Variants in ADAM7 observed in about 807,000 individuals in gnomAD.
ADAM7 encodes the protein disintegrin and metalloproteinase domain-containing protein 7.
Under a neutral mutation model 102.9 loss-of-function variants are expected in ADAM7, and 97 were observed. The observed-to-expected ratio is 0.94, with a 90% confidence interval of 0.80 to 1.12. ADAM7 has a LOEUF of 1.12. Ranked by LOEUF, ADAM7 falls within the 50% of genes most tolerant of loss-of-function variation. The pLI is 0.00. For synonymous variants in ADAM7, 334 were observed against 304.4 expected (o/e 1.10, Z -1.01); for missense variants, 991 against 908.7 (o/e 1.09, Z -1.16).
intron 7 of ADAM7, among the ~76,000 whole-genome samples, chr8:24,472,591 T>A (rs1819643461): frequency 6.6e-6 from 1 of 152,042 alleles, no homozygotes; most frequent in Non-Finnish European, 1.5e-5. Context: ...ATTTATTAGA[T>A]ACAGGTAGCA....
intron 7 of ADAM7, among the ~76,000 whole-genome samples, chr8:24,470,290 C>T (rs913497837): frequency 5.9e-5 from 9 of 151,872 alleles, no homozygotes; most frequent in East Asian, 1.9e-4. Context: ...ATAATATATT[C>T]GGAGAAAGAA....
Position 24,508,614 on chromosome 8 carries a change from C to A in ADAM7, c.*68C>A, listed in dbSNP as rs1403191027. On this transcript the variant is annotated 3_prime_UTR_variant, in exon 22 of 22. Transcript: ENST00000175238. ...GGGGATTCTGGATGCAACGTCTTTA[C>A]AACCTTACCTAGATATCTGCTACTC... 6.2e-7 allele frequency: 1 copy of A among 1,611,870 alleles called. No individual in the cohort carries two copies. Among genetic ancestry groups the A allele is most frequent in the East Asian group, 2.2e-5 (1 of 44,732 alleles).
chr8:24,454,534 C>T (rs558711038), intron 3 of ADAM7, among the ~76,000 whole-genome samples: 39 of 152,284 alleles, frequency 2.6e-4, no homozygotes, highest in African/African-American at 7.0e-4. Flanking sequence ...GGGAGTGACC[C>T]GATTTTGCAG....
intron 16 of ADAM7, among the ~76,000 whole-genome samples, chr8:24,496,928 T>A (rs1297304139): frequency 6.6e-6 from 1 of 152,156 alleles, no homozygotes; most frequent in African/African-American, 2.4e-5. Flanking sequence ...TTTTAAAATG[T>A]GAGGACATGA....
Position 24,508,609 on chromosome 8 carries a change from C to G in ADAM7, c.*63C>G. The G allele has an allele frequency of 1.9e-6, 3 of 1,612,104 alleles. No individual in the cohort carries two copies. Among genetic ancestry groups the G allele is most frequent in the Non-Finnish European group, 2.5e-6 (3 of 1,178,904 alleles). ...AGGCTGGGGATTCTGGATGCAACGT[C>G]TTTACAACCTTACCTAGATATCTGC... On this transcript the variant is annotated 3_prime_UTR_variant, in exon 22 of 22. Transcript: ENST00000175238.
chr8:24,496,531 G>A (rs1585922288), intron 16 of ADAM7, among the ~76,000 whole-genome samples: 1 of 152,180 alleles, frequency 6.6e-6, no homozygotes, highest in African/African-American at 2.4e-5. Flanking sequence ...CAGCCAGAAG[G>A]GAGGCTATAT....
chr8:24,502,732 C>G (rs1820804185), intron 20 of ADAM7, among the ~76,000 whole-genome samples: 1 of 151,984 alleles, frequency 6.6e-6, no homozygotes, highest in African/African-American at 2.4e-5. Flanking sequence ...TAGTAAAAAC[C>G]TTTCCACAAA....
chr8:24,487,764 C>T lies in ADAM7; in HGVS notation c.1091+447C>T, dbSNP rs899831375. On this transcript the variant is annotated intron_variant, in intron 11 of 21. Transcript: ENST00000175238. ...CTAAAAAGTCTATTCCATAACTAGG[C>T]GTGGCAGTTTTCTTTCTGGGGCTAA... Among the ~76,000 whole-genome samples the T allele has an allele frequency of 4.6e-5, 7 of 152,080 alleles. No individual in the cohort carries two copies. In the East Asian group the frequency reaches 5.8e-4, roughly 13 times the overall value.
At chr8:24,475,860 T>C (rs1042315833) in intron 7 of ADAM7, 22 of 452,296 alleles carry the variant, frequency 4.9e-5, no homozygotes, top group Non-Finnish European at 8.0e-5. Flanking sequence ...AATGCAGTTA[T>C]AAGGAGACAA....
At chr8:24,472,882 A>G (rs187159782) in intron 7 of ADAM7, among the ~76,000 whole-genome samples, 21 of 152,204 alleles carry the variant, frequency 1.4e-4, no homozygotes, top group African/African-American at 5.1e-4. Context: ...ATTAAAAAAT[A>G]TAGAAATATA....
In ADAM7 at chr8:24,460,791, T is replaced by C. The variant is rs544398576; in HGVS notation, c.234-3091T>C. ...TGTATATATATATATATATATCCCA[T>C]GATGCATGACTATAATTTGGCTTTA... On this transcript the variant is annotated intron_variant, in intron 3 of 21. Coordinates refer to ENST00000175238, the MANE Select transcript of ADAM7 (RefSeq NM_003817.4). Among the ~76,000 whole-genome samples, 5 of 151,774 alleles carry C rather than the reference T, an allele frequency of 3.3e-5. No individual in the cohort carries two copies. In the South Asian group the frequency reaches 1.0e-3, roughly 32 times the overall value.
intron 10 of ADAM7, among the ~76,000 whole-genome samples, chr8:24,485,813 CT>C (rs1258188650): frequency 4.0e-5 from 6 of 151,870 alleles, no homozygotes; most frequent in Admixed American, 6.6e-5. Flanking sequence ...TGTTGACTCC[CT>C]TTTTTTTATG....
chr8:24,445,732 A>T (rs757948470), intron 2 of ADAM7, among the ~76,000 whole-genome samples: 30 of 152,204 alleles, frequency 2.0e-4, no homozygotes, highest in Non-Finnish European at 4.0e-4. Context: ...TGTTCATAGG[A>T]TAAGGCCCAA....
chr8:24,504,062 A>T (rs56232705), intron 20 of ADAM7, among the ~76,000 whole-genome samples: 18,685 of 137,218 alleles, frequency 0.14, 1,389 homozygotes, highest in Non-Finnish European at 0.18. Context: ...ATAAAATAAA[A>T]TAAATAAAAT....
At chr8:24,457,645 TA>T (rs936611053) in intron 3 of ADAM7, among the ~76,000 whole-genome samples, 14 of 152,238 alleles carry the variant, frequency 9.2e-5, no homozygotes, top group Non-Finnish European at 1.6e-4. Context: ...AATTCATTTC[TA>T]AAAATTGTGT....
At chr8:24,471,062 T>C (rs1819585491) in intron 7 of ADAM7, among the ~76,000 whole-genome samples, 1 of 151,964 alleles carries the variant, frequency 6.6e-6, no homozygotes, top group African/African-American at 2.4e-5. Context: ...ATGTGTGTGG[T>C]TTTTGTCTTA....
intron 8 of ADAM7, 46 bp downstream of exon 8, chr8:24,476,550 A>C (rs774185650): frequency 2.0e-6 from 3 of 1,478,966 alleles, no homozygotes; most frequent in Non-Finnish European, 2.8e-6. Flanking sequence ...ATACGAATGC[A>C]AAGAACCTTT....
At chr8:24,469,504 A>G (rs1409318276) in intron 7 of ADAM7, among the ~76,000 whole-genome samples, 2 of 152,190 alleles carry the variant, frequency 1.3e-5, no homozygotes, top group African/African-American at 4.8e-5. Context: ...ATTTTTTAAT[A>G]TAAAAACTTA....
intron 18 of ADAM7, 42 bp downstream of exon 18, chr8:24,500,298 A>G (rs1379837954): frequency 1.3e-6 from 2 of 1,559,220 alleles, no homozygotes; most frequent in Non-Finnish European, 8.8e-7. Flanking sequence ...TCAAAAGCCT[A>G]CCCAGCGAAA....
Sources: gnomAD v4.1 joint callset for allele counts (sites outside exome capture counted in the v4.1 genomes callset) on GRCh38, gnomAD v4.1.1 for gene constraint, MANE v1.5 for transcripts, NCBI Gene and HGNC (gene_info 2026-07-23, HGNC 2026-07-21) for gene names.